The following HPSE2 variants were observed in gnomAD, a reference collection of about 807,000 sequenced individuals.
HPSE2 encodes the protein heparanase 2 (inactive), also known as inactive heparanase-2.
A neutral mutation model predicts 60.5 loss-of-function variants in HPSE2; 38 were observed. The ratio of observed to expected loss-of-function variants is 0.63; its 90% CI spans 0.48 to 0.82. HPSE2 has a LOEUF of 0.82. Ranked by LOEUF, HPSE2 falls within the 40% of genes least tolerant of loss-of-function variation. The pLI, the probability that HPSE2 is intolerant of heterozygous loss-of-function variation, is 0.00. For synonymous variants in HPSE2, 295 were observed against 293.2 expected (o/e 1.01, Z -0.06); for missense variants, 713 against 740.4 (o/e 0.96, Z 0.43).
In HPSE2 at chr10:99,114,917, A is replaced by G. The variant is rs536983411; in HGVS notation, c.610+29321T>C. On this transcript the variant is annotated intron_variant, in intron 3 of 11. Transcript: ENST00000370552. ...ACTCCGTCTCAAAAAAAAAAAAAAA[A>G]AAGAAGAAGAAGAAGAAGAACATGA... is the stretch of plus-strand genomic sequence containing the variant. 2.9e-3 allele frequency among the ~76,000 whole-genome samples: 435 copies of G among 151,016 alleles called. 2 individuals carry two copies. Among genetic ancestry groups the G allele is most frequent in the South Asian group, 0.022 (104 of 4,728 alleles).
chr10:98,562,663 C>T (rs1232376316), intron 9 of HPSE2, among the ~76,000 whole-genome samples: 15 of 145,072 alleles, frequency 1.0e-4, no homozygotes, highest in Non-Finnish European at 1.9e-4. Context: ...TGCAGTGAGC[C>T]GAGATTGCAC....
At chr10:98,841,661 G>C (rs1951915437) in intron 3 of HPSE2, among the ~76,000 whole-genome samples, 1 of 152,096 alleles carries the variant, frequency 6.6e-6, no homozygotes, top group Non-Finnish European at 1.5e-5. Context: ...CACTTCATCT[G>C]AGTATATTCT....
chr10:98,467,436 T>C (rs1214213159), intron 11 of HPSE2, among the ~76,000 whole-genome samples: 2 of 152,122 alleles, frequency 1.3e-5, no homozygotes, highest in Admixed American at 1.3e-4. Context: ...GGTCTAGGTA[T>C]GTGACCAGCC....
Position 98,750,465 on chromosome 10 carries a change from G to A in HPSE2, c.611-6409C>T, listed in dbSNP as rs1565135629. Among the ~76,000 whole-genome samples the A allele has an allele frequency of 2.6e-5, 4 of 152,192 alleles. No homozygotes were observed. The South Asian group carries it at 6.2e-4, about 24-fold the overall frequency. ...ATCACTCTGGCTGCTGAGCTGAAGAGACTGAAGGGGATGGGAAGAGCAAGG... is the reference window on the plus strand; with the variant it reads ...ATCACTCTGGCTGCTGAGCTGAAGAAACTGAAGGGGATGGGAAGAGCAAGG... On this transcript the variant is annotated intron_variant, in intron 3 of 11. Transcript: ENST00000370552.
At chr10:98,647,887 C>T (rs1009344690) in intron 6 of HPSE2, among the ~76,000 whole-genome samples, 1 of 152,168 alleles carries the variant, frequency 6.6e-6, no homozygotes, top group Non-Finnish European at 1.5e-5. Context: ...GTTTCTTTGG[C>T]TTTCTTAAAC....
intron 8 of HPSE2, 46 bp from the exon 9 acceptor site, chr10:98,615,064 G>T: frequency 7.3e-7 from 1 of 1,379,264 alleles, no homozygotes; most frequent in Non-Finnish European, 1.0e-6. Context: ...TTTTTAAATG[G>T]CATATAACAA....
chr10:98,557,075 TG>T (rs1196367468), intron 9 of HPSE2, among the ~76,000 whole-genome samples: 3 of 151,916 alleles, frequency 2.0e-5, no homozygotes, highest in African/African-American at 7.2e-5. Context: ...TAGCCGGGCA[TG>T]GTGGTGGGCG....
chr10:98,821,873 A>T (rs1243005861), intron 3 of HPSE2, among the ~76,000 whole-genome samples: 1 of 152,206 alleles, frequency 6.6e-6, no homozygotes, highest in Non-Finnish European at 1.5e-5. Flanking sequence ...CTAGAGTTCC[A>T]CTAAGACTTA....
chr10:98,561,791 C>A (rs199895104), intron 9 of HPSE2, among the ~76,000 whole-genome samples: 1 of 152,124 alleles, frequency 6.6e-6, no homozygotes, highest in Non-Finnish European at 1.5e-5. Context: ...GAGTTTGCAG[C>A]GAGCTGAGAT....
At chr10:99,135,257 C>T (rs566556582) in intron 3 of HPSE2, among the ~76,000 whole-genome samples, 2 of 152,122 alleles carry the variant, frequency 1.3e-5, no homozygotes, top group African/African-American at 4.8e-5. Context: ...CAATAACAGT[C>T]GGGAGACTTT....
At chr10:98,755,687 A>T (rs1456311488) in intron 3 of HPSE2, among the ~76,000 whole-genome samples, 2 of 152,214 alleles carry the variant, frequency 1.3e-5, no homozygotes, top group African/African-American at 4.8e-5. Flanking sequence ...GTGCAATACA[A>T]ATAGAAATGA....
intron 6 of HPSE2, among the ~76,000 whole-genome samples, chr10:98,646,503 C>T (rs762914926): frequency 2.6e-5 from 4 of 151,924 alleles, no homozygotes; most frequent in Non-Finnish European, 4.4e-5. Flanking sequence ...TAGAAATAAC[C>T]TTTCTGGGAA....
At chr10:99,156,555 T>A (rs1328693516) in intron 2 of HPSE2, among the ~76,000 whole-genome samples, 1 of 130,866 alleles carries the variant, frequency 7.6e-6, no homozygotes, top group Non-Finnish European at 1.7e-5. Flanking sequence ...CAACAACCCT[T>A]CATGCTAAAA....
At chr10:99,192,592 A>C (rs745374489) in intron 2 of HPSE2, among the ~76,000 whole-genome samples, 2 of 134,486 alleles carry the variant, frequency 1.5e-5, no homozygotes, top group Non-Finnish European at 3.4e-5. Context: ...ATCTGCCACC[A>C]TATCTGGCTA....
chr10:99,226,305 T>C (rs1033929167), intron 2 of HPSE2, among the ~76,000 whole-genome samples: 9 of 152,068 alleles, frequency 5.9e-5, no homozygotes, highest in African/African-American at 2.2e-4. Context: ...ATATTCCACT[T>C]AGCACTTCAT....
intron 3 of HPSE2, among the ~76,000 whole-genome samples, chr10:98,876,166 A>T (rs574149395): frequency 9.7e-4 from 148 of 152,074 alleles, no homozygotes; most frequent in Admixed American, 2.9e-3. Context: ...TACTTTTAGG[A>T]GGTGATAATG....
At chr10:98,571,727 T>C (rs1944498957) in intron 9 of HPSE2, among the ~76,000 whole-genome samples, 1 of 152,160 alleles carries the variant, frequency 6.6e-6, no homozygotes, top group Non-Finnish European at 1.5e-5. Context: ...AATGAAGGCA[T>C]TCAAAGGTGC....
rs188780450 is a variant in HPSE2 at position 99,135,078 on chromosome 10, T to A, written c.610+9160A>T. ...CAGGAGTTGCGATCTTAATCTCTGA[T>A]GAAACAGACTTTAAACCAACAAAGA... On this transcript the variant is annotated intron_variant, in intron 3 of 11. Transcript: ENST00000370552. Among the ~76,000 whole-genome samples, 415 of 152,136 alleles carry A rather than the reference T, an allele frequency of 2.7e-3. 3 individuals are homozygous for A. The highest frequency in any genetic ancestry group is 8.8e-3 in the African/African-American group (367 of 41,496).
At chr10:99,021,157 C>A (rs1296653484) in intron 3 of HPSE2, among the ~76,000 whole-genome samples, 1 of 152,190 alleles carries the variant, frequency 6.6e-6, no homozygotes, top group African/African-American at 2.4e-5. Context: ...ACTCAACCTA[C>A]AAACTAGGTC....
Sources: allele counts gnomAD v4.1 joint callset (sites outside exome capture counted in the v4.1 genomes callset), GRCh38; gene constraint gnomAD v4.1.1; transcripts MANE v1.5; gene names NCBI Gene and HGNC (gene_info 2026-07-23, HGNC 2026-07-21).